Variants in LARP4B observed in about 807,000 individuals in gnomAD.
The protein encoded by LARP4B is la-related protein 4B.
A neutral mutation model predicts 89.8 loss-of-function variants in LARP4B; 12 were observed. The ratio of observed to expected loss-of-function variants is 0.13; its 90% confidence interval spans 0.09 to 0.22. The LOEUF is 0.22. Among genes scored for constraint, LARP4B ranks in the 10% least tolerant of loss-of-function variants. The pLI, the probability that LARP4B is intolerant of heterozygous loss-of-function variation, is 1.00. For missense variants in LARP4B, 757 were observed against 947.7 expected (o/e 0.80, Z 2.64); for synonymous variants, 367 against 363.3 (o/e 1.01, Z -0.12).
chr10:815,076 A>G lies in LARP4B; in HGVS notation c.1696-6T>C. On this transcript the variant is annotated splice_polypyrimidine_tract_variant and splice_region_variant and intron_variant, in intron 15 of 17. Transcript: ENST00000316157. ...CTTGCGTCTGCACTGAGGGTCTGAA[A>G]CAGGGTCAAGAGTGTTCATCAGAGT... 1 of 1,564,264 alleles carries G rather than the reference A, an allele frequency of 6.4e-7. No homozygotes were observed. The highest frequency in any genetic ancestry group is 8.7e-7 in the Non-Finnish European group (1 of 1,153,094).
At chr10:901,022 C>T (rs765028272) in intron 1 of LARP4B, among the ~76,000 whole-genome samples, 4 of 150,578 alleles carry the variant, frequency 2.7e-5, no homozygotes, top group Non-Finnish European at 5.9e-5. Context: ...TGGGTTCAAG[C>T]GATTCTCCTG....
intron 3 of LARP4B, among the ~76,000 whole-genome samples, chr10:880,086 TA>T (rs1835610378): frequency 2.6e-5 from 4 of 152,122 alleles, no homozygotes; most frequent in Admixed American, 2.6e-4. Context: ...AGTCTGTTCT[TA>T]AAACAGACTG....
At chr10:975,554 G>A in the LARP4B span, among the ~76,000 whole-genome samples, 42 of 152,250 alleles carry the variant, frequency 2.8e-4, no homozygotes, top group Admixed American at 7.8e-4. Context: ...GTCAAGGAGC[G>A]ACTTTCAAGG....
At chr10:841,648 T>C (rs1453805513) in intron 7 of LARP4B, among the ~76,000 whole-genome samples, 8 of 152,186 alleles carry the variant, frequency 5.3e-5, no homozygotes, top group Admixed American at 1.3e-4. Context: ...GACTTCAGAG[T>C]ACAAACAGGG....
chr10:868,932 G>A (rs1004303485), intron 3 of LARP4B, among the ~76,000 whole-genome samples: 6 of 152,216 alleles, frequency 3.9e-5, no homozygotes, highest in Non-Finnish European at 7.3e-5. Context: ...GCTACTCTGA[G>A]TATGTGCTTT....
At chr10:920,399 T>C (rs1836946788) in intron 1 of LARP4B, among the ~76,000 whole-genome samples, 1 of 152,240 alleles carries the variant, frequency 6.6e-6, no homozygotes, top group Admixed American at 6.5e-5. Flanking sequence ...CAAAATAACG[T>C]AGAACAAAAC....
At chr10:961,767 A>G in the LARP4B span, among the ~76,000 whole-genome samples, 1 of 152,180 alleles carries the variant, frequency 6.6e-6, no homozygotes, top group Non-Finnish European at 1.5e-5. Context: ...GGGGGAACTC[A>G]TAGAGCAAGA....
Position 811,813 on chromosome 10 carries a change from T to C in LARP4B, c.*1113A>G, listed in dbSNP as rs1831750785. 6.6e-6 allele frequency: 1 copy of C among 152,632 alleles called. No individual in the cohort carries two copies. The highest frequency in any genetic ancestry group is 6.5e-5 in the Admixed American group (1 of 15,286). The allele number at this position is 152,632 out of a possible 1,614,324, so 9.5% of individuals were successfully genotyped here. A position where few individuals can be genotyped will look rare whatever the true frequency, so the allele number is the denominator to read the frequency against. On this transcript the variant is annotated 3_prime_UTR_variant, in exon 18 of 18. Coordinates refer to ENST00000316157, the MANE Select transcript of LARP4B (RefSeq NM_015155.3). ...AGGCATTTTAAAACAAAATAATTTA[T>C]ATTTAACTTTATTATAAACTTGCTA...
intron 6 of LARP4B, among the ~76,000 whole-genome samples, chr10:843,791 C>A (rs1234876348): frequency 6.6e-6 from 1 of 152,044 alleles, no homozygotes; most frequent in Non-Finnish European, 1.5e-5. Flanking sequence ...AAGGTCATAC[C>A]CAAAATTCCT....
At chr10:878,744 G>C (rs372391006) in intron 3 of LARP4B, among the ~76,000 whole-genome samples, 2 of 152,194 alleles carry the variant, frequency 1.3e-5, no homozygotes, top group African/African-American at 4.8e-5. Context: ...CCAGTGATGT[G>C]ACTATTCTCT....
intron 1 of LARP4B, among the ~76,000 whole-genome samples, chr10:888,553 C>T (rs1383987787): frequency 2.6e-5 from 4 of 152,182 alleles, no homozygotes; most frequent in Admixed American, 2.6e-4. Flanking sequence ...AAGTGTTAAG[C>T]TCCTACAGCA....
At chr10:833,279 AAAAAAC>A (rs1479970578) in intron 8 of LARP4B, among the ~76,000 whole-genome samples, 15 of 139,482 alleles carry the variant, frequency 1.1e-4, no homozygotes, top group Non-Finnish European at 2.4e-4. Flanking sequence ...AAAAAAAAAA[AAAAAAC>A]CTCAAAATGT....
intron 1 of LARP4B, among the ~76,000 whole-genome samples, chr10:909,293 C>CAAAA (rs56787174): frequency 1.4e-4 from 11 of 80,844 alleles, no homozygotes; most frequent in African/African-American, 3.8e-4. Context: ...GACTCCGTCT[C>CAAAA]AAAAAAAAAA....
chr10:808,484 G>C (rs1831627089), downstream of LARP4B: 1 of 152,100 alleles, frequency 6.6e-6, no homozygotes, highest in Non-Finnish European at 1.5e-5. Context: ...TAAATGCTAT[G>C]GTGTTAGGAC....
At chr10:834,752 C>A (rs941580181) in intron 8 of LARP4B, among the ~76,000 whole-genome samples, 3 of 152,154 alleles carry the variant, frequency 2.0e-5, no homozygotes, top group Non-Finnish European at 4.4e-5. Flanking sequence ...GCAGAAAATT[C>A]TCCTTGGTTA....
At chr10:899,090 ATC>A (rs1223618889) in intron 1 of LARP4B, among the ~76,000 whole-genome samples, 1 of 152,196 alleles carries the variant, frequency 6.6e-6, no homozygotes, top group East Asian at 1.9e-4. Context: ...AAAGATAAGC[ATC>A]TTTTTTCTTA....
chr10:915,112 T>G (rs901312252), intron 1 of LARP4B, among the ~76,000 whole-genome samples: 4 of 152,096 alleles, frequency 2.6e-5, no homozygotes, highest in Non-Finnish European at 5.9e-5. Context: ...TTATGGAAAT[T>G]TTATCTTGCA....
At position 882,254 on chromosome 10, in the gene LARP4B, GT is replaced by G. The variant is rs556889947; in HGVS notation, c.141+2192del. ...AGAATGTAAATTATACTTTAATAAA[GT>G]TTTTTTTTTTAATGAACAGAACACA... On this transcript the variant is annotated intron_variant, in intron 3 of 17. Coordinates refer to ENST00000316157, the MANE Select transcript of LARP4B (RefSeq NM_015155.3). Among the ~76,000 whole-genome samples, 385 of 147,052 alleles carry G rather than the reference GT, an allele frequency of 2.6e-3. 3 individuals are homozygous for G. The highest frequency in any genetic ancestry group is 8.8e-3 in the African/African-American group (355 of 40,298).
chr10:810,550 G>A lies in LARP4B; in HGVS notation c.*2376C>T, dbSNP rs1831706894. On this transcript the variant is annotated 3_prime_UTR_variant, in exon 18 of 18. Coordinates refer to ENST00000316157, the MANE Select transcript of LARP4B (RefSeq NM_015155.3). ...GGTCGACAAAGTGAAGGACTAAGCT[G>A]GCTCTAACCACACACACACACTGCG... is the stretch of plus-strand genomic sequence containing the variant. The A allele has an allele frequency of 6.6e-6, 1 of 152,230 alleles. No homozygotes were observed. The highest frequency in any genetic ancestry group is 1.5e-5 in the Non-Finnish European group (1 of 68,062). 9.4% of individuals were successfully genotyped at this position (152,230 alleles called of 1,614,324 possible).
Sources: allele counts gnomAD v4.1 joint callset (sites outside exome capture counted in the v4.1 genomes callset), GRCh38; gene constraint gnomAD v4.1.1; transcripts MANE v1.5; gene names NCBI Gene and HGNC (gene_info 2026-07-23, HGNC 2026-07-21).